Variants in KIF19 observed in about 807,000 individuals in gnomAD.
KIF19 encodes kinesin family member 19, also known as kinesin-like protein KIF19.
A neutral mutation model predicts 106.6 loss-of-function variants in KIF19; 98 were observed. The ratio of observed to expected loss-of-function variants is 0.92; its 90% CI spans 0.78 to 1.09. KIF19 has a LOEUF of 1.09. Among genes scored for constraint, KIF19 ranks in the 50% least tolerant of loss-of-function variants. KIF19 has a pLI of 0.00. For missense variants in KIF19, 1,373 were observed against 1,414.3 expected (o/e 0.97, Z 0.47); for synonymous variants, 516 against 584.2 (o/e 0.88, Z 1.68).
intron 12 of KIF19, chr17:74,351,328 C>CAAAAAAAAAAA (rs66627748): frequency 5.0e-5 from 4 of 79,284 alleles, no homozygotes; most frequent in African/African-American, 1.3e-4. Context: ...ACTAAAAATA[C>CAAAAAAAAAAA]AAAAAAAAAA....
At chr17:74,348,930 CAG>C in intron 9 of KIF19, 3 of 527,560 alleles carry the variant, frequency 5.7e-6, no homozygotes, top group Non-Finnish European at 1.0e-5. Flanking sequence ...CAGAGAAAAT[CAG>C]AGAGATGGGG....
intron 1 of KIF19, among the ~76,000 whole-genome samples, chr17:74,328,035 C>T (rs1457279523): frequency 6.6e-6 from 1 of 152,244 alleles, no homozygotes; most frequent in Non-Finnish European, 1.5e-5. Context: ...ACCTACCAGG[C>T]CTCATCCCAG....
intron 7 of KIF19, among the ~76,000 whole-genome samples, chr17:74,345,620 G>A (rs1398917508): frequency 6.6e-6 from 1 of 152,094 alleles, no homozygotes; most frequent in Non-Finnish European, 1.5e-5. Context: ...GGGGTTTTAT[G>A]GTCACCTGAG....
chr17:74,355,499 G>A lies in KIF19; in HGVS notation c.*187G>A. On this transcript the variant is annotated 3_prime_UTR_variant, in exon 20 of 20. Coordinates refer to ENST00000389916, the MANE Select transcript of KIF19 (RefSeq NM_153209.4). Reference sequence around the variant, plus strand: ...CCTCCCATGCTTTCAGTGCCACTGGGGAAAAGAGGTGAGGCCAGGGGACAT... The same window carrying A: ...CCTCCCATGCTTTCAGTGCCACTGGAGAAAAGAGGTGAGGCCAGGGGACAT... The A allele has an allele frequency of 1.3e-6, 1 of 746,352 alleles. No individual in the cohort carries two copies. The allele number at this position is 746,352 out of a possible 1,614,324, so 46.2% of individuals were successfully genotyped here.
In KIF19 at chr17:74,355,600, C is replaced by G; in HGVS notation, c.*288C>G. The G allele has an allele frequency of 3.3e-6, 1 of 299,396 alleles. No homozygotes were observed. Among genetic ancestry groups the G allele is most frequent in the Non-Finnish European group, 5.9e-6 (1 of 168,676 alleles). 18.5% of individuals were successfully genotyped at this position (299,396 alleles called of 1,614,324 possible). ...TGCCAAAACCTGCACAGCCCTGAGG[C>G]CAGCCTCGGCCTTGGTAACGGAGGA... On this transcript the variant is annotated 3_prime_UTR_variant, in exon 20 of 20. Transcript: ENST00000389916.
chr17:74,332,210 TTGTGTGTGTGTGTG>T (rs71157056), intron 2 of KIF19, among the ~76,000 whole-genome samples: 2 of 108,764 alleles, frequency 1.8e-5, no homozygotes, highest in African/African-American at 7.2e-5. Flanking sequence ...GTGTGTGTGT[TTGTGTGTGTGTGTG>T]TGTGTGTGTG....
intron 16 of KIF19, 33 bp from the exon 17 acceptor site, chr17:74,353,461 G>C: frequency 4.4e-6 from 7 of 1,598,964 alleles, no homozygotes; most frequent in Non-Finnish European, 5.1e-6. Flanking sequence ...CTGTGTTTAA[G>C]GGTTTCCTCC....
intron 1 of KIF19, 86 bp from the exon 2 acceptor site, chr17:74,328,339 G>T: frequency 7.9e-7 from 1 of 1,272,596 alleles, no homozygotes; most frequent in South Asian, 1.3e-5. Context: ...CTGAATGCTA[G>T]AGAAGCCAGG....
In KIF19 at chr17:74,355,424, C is replaced by G; in HGVS notation, c.*112C>G. ...GATGACCAGGAAGTAAGCTCAGGAT[C>G]TCAGCAGGCCAGGGCTCCTGAGACC... On this transcript the variant is annotated 3_prime_UTR_variant, in exon 20 of 20. Coordinates refer to ENST00000389916, the MANE Select transcript of KIF19 (RefSeq NM_153209.4). 1.5e-6 allele frequency: 2 copies of G among 1,352,394 alleles called. No homozygotes were observed. The highest frequency in any genetic ancestry group is 2.0e-6 in the Non-Finnish European group (2 of 1,023,052). The allele number at this position is 1,352,394 out of a possible 1,614,324, so 83.8% of individuals were successfully genotyped here.
chr17:74,350,850 C>T lies in KIF19; in HGVS notation c.1532C>T (p.Ala511Val), dbSNP rs898319924. ...DILEPPEVAA[A>V]RESIAALVDE... ...CTGGAGCCACCCGAGGTGGCCGCAG[C>T]CCGGGAGAGCATTGCAGCCCTGGTG... is the stretch of plus-strand genomic sequence containing the variant. The change falls in exon 12 of 20, where the codon GCC becomes GTC. Residue 511 changes from alanine to valine, a missense_variant. By Grantham distance (64) the Ala-to-Val change is moderately conservative (BLOSUM62 0). Coordinates refer to ENST00000389916, the MANE Select transcript of KIF19 (RefSeq NM_153209.4). 2.5e-6 allele frequency: 4 copies of T among 1,613,898 alleles called. No homozygotes were observed. Among genetic ancestry groups the T allele is most frequent in the Non-Finnish European group, 3.4e-6 (4 of 1,179,918 alleles).
rs1053187987 is a variant in KIF19 at position 74,346,845 on chromosome 17, A to C, written c.924+321A>C. Among the ~76,000 whole-genome samples, 1 of 152,134 alleles carries C rather than the reference A, an allele frequency of 6.6e-6. No individual in the cohort carries two copies. On this transcript the variant is annotated intron_variant, in intron 8 of 19. Coordinates refer to ENST00000389916, the MANE Select transcript of KIF19 (RefSeq NM_153209.4). This position sits in a 1 kb window ranked among gnomAD's most constrained non-coding sequence, Gnocchi z 4.6. Reference sequence around the variant, plus strand: ...CAGAGCCGTCTAGATTTGGGGGTGCAGGTGGGCAGTCAGCCTCATGGCCCC... The same window carrying C: ...CAGAGCCGTCTAGATTTGGGGGTGCCGGTGGGCAGTCAGCCTCATGGCCCC...
Position 74,344,208 on chromosome 17 carries a change from C to T in KIF19, c.457-15C>T, listed in dbSNP as rs760320166. The T allele has an allele frequency of 4.4e-6, 7 of 1,609,062 alleles. No individual in the cohort carries two copies. Among genetic ancestry groups the T allele is most frequent in the Non-Finnish European group, 5.9e-6 (7 of 1,178,010 alleles). On this transcript the variant is annotated splice_polypyrimidine_tract_variant and intron_variant, in intron 5 of 19. Transcript: ENST00000389916. ...AGTCTCCCTTCCCCCACCCCTCCCCCACCTGTCCCGTCAGATCTACAATGA... is the reference window on the plus strand; with the variant it reads ...AGTCTCCCTTCCCCCACCCCTCCCCTACCTGTCCCGTCAGATCTACAATGA...
intron 15 of KIF19, 115 bp from the exon 16 acceptor site, chr17:74,353,081 C>A: frequency 7.1e-7 from 1 of 1,414,866 alleles, no homozygotes; most frequent in Non-Finnish European, 9.8e-7. Flanking sequence ...GGTCTGGAGC[C>A]AGGACTCCTG....
rs2144296067 is a variant in KIF19 at position 74,352,225 on chromosome 17, A to G, written c.1865A>G (p.Asn622Ser). The G allele has an allele frequency of 6.2e-7, 1 of 1,612,028 alleles. No homozygotes were observed. The change falls in exon 14 of 20, where the codon AAC becomes AGC. Residue 622 changes from asparagine (N) to serine (S), a missense_variant. By Grantham distance (46) the Asn-to-Ser change is conservative. Transcript: ENST00000389916. ...QGQRQIIDDY[N>S]LAVPQRLEEL... ...CCTGCCCCTTCCCCAGCAGACTACAACCTGGCCGTCCCGCAGCGCCTGGAA... is the reference window on the plus strand; with the variant it reads ...CCTGCCCCTTCCCCAGCAGACTACAGCCTGGCCGTCCCGCAGCGCCTGGAA...
chr17:74,341,899 G>A lies in KIF19; in HGVS notation c.144G>A (p.Met48Ile), dbSNP rs146684394. ...AGATGGTGGTTCTCATGGACCCAAT[G>A]GAGGATCCCGACGACATCCTGCGGG... ...DEQMVVLMDP[M>I]EDPDDILRAH... The change falls in exon 3 of 20, where the codon ATG (methionine) becomes ATA (isoleucine). Residue 48 changes from methionine (M) to isoleucine (I), a missense_variant. By Grantham distance (10) the Met-to-Ile change is conservative (BLOSUM62 1). Transcript: ENST00000389916. The A allele has an allele frequency of 3.1e-4, 498 of 1,613,746 alleles. 4 individuals carry two copies. The East Asian group carries it at 8.1e-3, about 26-fold the overall frequency.
intron 2 of KIF19, among the ~76,000 whole-genome samples, chr17:74,335,364 A>C (rs781531799): frequency 2.0e-5 from 3 of 152,242 alleles, no homozygotes; most frequent in Non-Finnish European, 2.9e-5. Flanking sequence ...TAAAAGTGCA[A>C]AGCTGATAAA....
Position 74,344,856 on chromosome 17 carries a change from G to A in KIF19, c.678G>A (p.Val226=). ...CCCGCTCCCACGCGGTACTGCAGGT[G>A]ACCGTGCGCCAGCGCAGCCGGGTCA... ...TSSRSHAVLQ[V]TVRQRSRVKN... is the part of the protein sequence containing the mutation. The change falls in exon 7 of 20, where the codon GTG becomes GTA. Residue 226 remains valine (V), a synonymous_variant. Transcript: ENST00000389916. 6.2e-7 allele frequency: 1 copy of A among 1,612,838 alleles called. No individual in the cohort carries two copies. Among genetic ancestry groups the A allele is most frequent in the Non-Finnish European group, 8.5e-7 (1 of 1,179,836 alleles).
intron 2 of KIF19, among the ~76,000 whole-genome samples, chr17:74,341,486 T>C (rs1598383013): frequency 6.6e-6 from 1 of 152,184 alleles, no homozygotes; most frequent in Non-Finnish European, 1.5e-5. Flanking sequence ...GGGCTCGTGG[T>C]AGCCTGGGCA....
Position 74,354,240 on chromosome 17 carries a change from A to G in KIF19, c.2387A>G (p.Glu796Gly). The part of the protein sequence containing the change: ...ARRRSRALGT[E>G]GRHLLAPATE... Reference sequence around the variant, plus strand: ...CGGCGCTCGCGGGCCCTGGGAACCGAGGGGCGACACCTGCTGGCACCCGCG... The same window carrying G: ...CGGCGCTCGCGGGCCCTGGGAACCGGGGGGCGACACCTGCTGGCACCCGCG... The change falls in exon 18 of 20, where the codon GAG becomes GGG. Residue 796 changes from glutamate (E) to glycine (G), a missense_variant. This residue lies in a region of KIF19 where 1,020 missense variants were observed against 1,008.2 expected (regional missense o/e 1.01). Transcript: ENST00000389916. The G allele has an allele frequency of 6.2e-7, 1 of 1,608,560 alleles. No individual in the cohort carries two copies. Among genetic ancestry groups the G allele is most frequent in the Non-Finnish European group, 8.5e-7 (1 of 1,179,410 alleles).
Sources: allele counts gnomAD v4.1 joint callset (sites outside exome capture counted in the v4.1 genomes callset), GRCh38; gene constraint gnomAD v4.1.1; regional missense constraint gnomAD v4.1.1; non-coding constraint Gnocchi (gnomAD v3.1); transcripts MANE v1.5; gene names NCBI Gene and HGNC (gene_info 2026-07-23, HGNC 2026-07-21).